The following TNNI3K variants were observed in gnomAD, a reference collection of about 807,000 sequenced individuals.
TNNI3K encodes the protein TNNI3 interacting kinase.
Under a neutral mutation model 114.5 loss-of-function variants are expected in TNNI3K, and 140 were observed. The ratio of observed to expected loss-of-function variants is 1.22; its 90% CI spans 1.07 to 1.41. The LOEUF (loss-of-function observed/expected upper bound fraction) is 1.41, where lower values mean the gene tolerates loss of function less well. Ranked by LOEUF, TNNI3K falls within the 40% of genes most tolerant of loss-of-function variation. The pLI is 0.00. For missense variants in TNNI3K, 1,125 were observed against 1,007.6 expected (o/e 1.12, Z -1.58); for synonymous variants, 347 against 347.5 (o/e 1.00, Z 0.02).
chr1:74,266,063 C>T (rs921636743), intron 4 of TNNI3K, among the ~76,000 whole-genome samples: 1 of 152,018 alleles, frequency 6.6e-6, no homozygotes, highest in African/African-American at 2.4e-5. Flanking sequence ...TCTAATGCAA[C>T]TATTTTATTA....
rs45533234 is a variant in TNNI3K, at chr1:74,543,404, C to A, written c.2432-502C>A. ...TTTTTCTTTACCTTCCTTTTTATAG[C>A]CATCTTTTGTTTAGCATTCACTGGT... On this transcript the variant is annotated intron_variant, in intron 24 of 24. Transcript: ENST00000326637. 3.0e-3 allele frequency among the ~76,000 whole-genome samples: 460 copies of A among 152,188 alleles called. 2 individuals carry two copies. Among genetic ancestry groups the A allele is most frequent in the African/African-American group, 0.01 (430 of 41,522 alleles).
intron 17 of TNNI3K, chr1:74,418,125 T>C (rs1665219396): frequency 2.2e-6 from 1 of 449,214 alleles, no homozygotes; most frequent in Non-Finnish European, 4.5e-6. Context: ...TGGGAAGTCT[T>C]CCTAAAAGGT....
At chr1:74,306,875 C>T (rs1373004613) in intron 5 of TNNI3K, among the ~76,000 whole-genome samples, 2 of 152,114 alleles carry the variant, frequency 1.3e-5, no homozygotes, top group African/African-American at 4.8e-5. Flanking sequence ...TTAAGTCCCA[C>T]TTGTTAATTT....
chr1:74,519,137 G>GT (rs1420335406), intron 23 of TNNI3K, among the ~76,000 whole-genome samples: 1 of 91,968 alleles, frequency 1.1e-5, no homozygotes, highest in Non-Finnish European at 1.9e-5. Flanking sequence ...GCGGTGTTTG[G>GT]TTTTTTGTTC....
chr1:74,276,021 A>G (rs542468142), intron 5 of TNNI3K, among the ~76,000 whole-genome samples: 1 of 152,178 alleles, frequency 6.6e-6, no homozygotes, highest in South Asian at 2.1e-4. Context: ...GTTTAAAAGG[A>G]TTACTTTACT....
intron 17 of TNNI3K, among the ~76,000 whole-genome samples, chr1:74,404,688 G>C (rs1200678934): frequency 6.6e-6 from 1 of 152,202 alleles, no homozygotes; most frequent in Non-Finnish European, 1.5e-5. Context: ...GGCCTATGCT[G>C]ATCTCCCAGA....
At chr1:74,494,811 T>G (rs1036627347) in intron 23 of TNNI3K, among the ~76,000 whole-genome samples, 1 of 152,156 alleles carries the variant, frequency 6.6e-6, no homozygotes, top group Non-Finnish European at 1.5e-5. Flanking sequence ...TAAGGAGAGG[T>G]ACTATTGTCA....
intron 17 of TNNI3K, among the ~76,000 whole-genome samples, chr1:74,419,197 G>T (rs555571920): frequency 6.6e-6 from 1 of 151,980 alleles, no homozygotes; most frequent in South Asian, 2.1e-4. Context: ...GGTGGTTCTT[G>T]GTCATATCAC....
chr1:74,399,641 G>T (rs1664263675), intron 17 of TNNI3K, among the ~76,000 whole-genome samples: 1 of 152,174 alleles, frequency 6.6e-6, no homozygotes, highest in Non-Finnish European at 1.5e-5. Flanking sequence ...CCAGATGGAA[G>T]GGAAAAGGAT....
chr1:74,271,735 A>C (rs1398302155), intron 5 of TNNI3K, 27 bp downstream of exon 5: 1 of 1,571,500 alleles, frequency 6.4e-7, no homozygotes. Flanking sequence ...GCACCTGTGA[A>C]AACAAAGGTT....
At chr1:74,418,718 T>A (rs1216484417) in intron 17 of TNNI3K, among the ~76,000 whole-genome samples, 1 of 151,652 alleles carries the variant, frequency 6.6e-6, no homozygotes, top group Non-Finnish European at 1.5e-5. Flanking sequence ...AACAAAATTC[T>A]CCCTAACCCA....
In TNNI3K at chr1:74,309,107, G is replaced by A. The variant is rs867466460; in HGVS notation, c.445-22343G>A. ...AGATAGGCCGGGCGCGGTGGCTCAC[G>A]CCTGTAATCCCAGCACTTTGGGAGG... is the stretch of plus-strand genomic sequence containing the variant. On this transcript the variant is annotated intron_variant, in intron 5 of 24. Transcript: ENST00000326637. Among the ~76,000 whole-genome samples the A allele has an allele frequency of 1.1e-3, 167 of 151,980 alleles. 2 individuals carry two copies. The highest frequency in any genetic ancestry group is 4.2e-4 in the South Asian group (2 of 4,818).
chr1:74,259,999 C>G (rs1340134783), intron 4 of TNNI3K, among the ~76,000 whole-genome samples: 1 of 152,058 alleles, frequency 6.6e-6, no homozygotes, highest in Middle Eastern at 3.2e-3. Context: ...TTTTTTAGGC[C>G]AAACAGTTCC....
rs957921877 is a variant in TNNI3K, at chr1:74,425,326, G to T, written c.1773-10754G>T. On this transcript the variant is annotated intron_variant, in intron 17 of 24. Transcript: ENST00000326637. The stretch of plus-strand genomic sequence containing the variant: ...TTTCATAAATATTTATTGAGTAAAT[G>T]TTGAATATATAGAAAACCTGTAGAT... Among the ~76,000 whole-genome samples, 6 of 152,022 alleles carry T rather than the reference G, an allele frequency of 3.9e-5. No homozygotes were observed. The East Asian group carries it at 1.2e-3, about 29-fold the overall frequency.
At chr1:74,359,217 A>T (rs1025093554) in intron 11 of TNNI3K, among the ~76,000 whole-genome samples, 1 of 152,022 alleles carries the variant, frequency 6.6e-6, no homozygotes, top group South Asian at 2.1e-4. Context: ...ATTCAAAATG[A>T]GGATATTAAT....
At position 74,369,037 on chromosome 1, in the gene TNNI3K, T is replaced by C. The variant is rs1662442423; in HGVS notation, c.1337T>C (p.Leu446Pro). Reference protein sequence around the residue: ...KSMTKEKADILLLRAGLPSHF... With the variant: ...KSMTKEKADIPLLRAGLPSHF... ...CTCTTTGCAGAGAAGGCAGATATTC[T>C]CCTCCTAAGAGCTGGATTGCCTTCA... The change falls in exon 14 of 25, where the codon CTC becomes CCC. Residue 446 changes from leucine to proline, a missense_variant. By Grantham distance (98) the Leu-to-Pro change is moderately conservative (BLOSUM62 -3). Transcript: ENST00000326637. 6.2e-7 allele frequency: 1 copy of C among 1,601,762 alleles called. No individual in the cohort carries two copies. The highest frequency in any genetic ancestry group is 8.5e-7 in the Non-Finnish European group (1 of 1,175,744).
rs774123208 is a variant in TNNI3K at position 74,271,699 on chromosome 1, C to A, written c.435C>A (p.Gly145=). ...CCCTCCATATTGCTACAATAGCTGGCCACCTAGAGGTAAGTCATGCCTTTG... is the reference window on the plus strand; with the variant it reads ...CCCTCCATATTGCTACAATAGCTGGACACCTAGAGGTAAGTCATGCCTTTG... ...LTALHIATIA[G]HLEAADVLLQ... Residue 145 remains glycine (G), a synonymous_variant, in exon 5 of 25, where the codon GGC becomes GGA. Coordinates refer to ENST00000326637, the MANE Select transcript of TNNI3K (RefSeq NM_015978.3). 1.2e-6 allele frequency: 2 copies of A among 1,605,838 alleles called. No individual in the cohort carries two copies. The highest frequency in any genetic ancestry group is 3.4e-5 in the Admixed American group (2 of 59,254).
intron 4 of TNNI3K, among the ~76,000 whole-genome samples, chr1:74,265,596 A>T (rs774139016): frequency 4.6e-5 from 7 of 152,064 alleles, no homozygotes; most frequent in Non-Finnish European, 8.8e-5. Flanking sequence ...TGATTCTATA[A>T]TATATGAAAA....
chr1:74,499,645 G>A (rs1316603291), intron 23 of TNNI3K, among the ~76,000 whole-genome samples: 3 of 151,874 alleles, frequency 2.0e-5, no homozygotes, highest in Admixed American at 6.6e-5. Context: ...AAGAGGGGAG[G>A]GGGCTACTAC....
Sources: allele counts gnomAD v4.1 joint callset (sites outside exome capture counted in the v4.1 genomes callset), GRCh38; gene constraint gnomAD v4.1.1; transcripts MANE v1.5; gene names NCBI Gene and HGNC (gene_info 2026-07-23, HGNC 2026-07-21).